Variants in MSI1 observed in about 807,000 individuals in gnomAD.
MSI1 encodes musashi RNA binding protein 1, also known as RNA-binding protein Musashi homolog 1.
Under a neutral mutation model 54.4 loss-of-function variants are expected in MSI1, and 15 were observed. The observed-to-expected ratio is 0.28, with a 90% CI of 0.18 to 0.42. The LOEUF (loss-of-function observed/expected upper bound fraction) is 0.42. Among genes scored for constraint, MSI1 ranks in the 20% least tolerant of loss-of-function variants. MSI1 has a pLI of 1.00. For missense variants in MSI1, 304 were observed against 506.0 expected (o/e 0.60, Z 3.83); for synonymous variants, 200 against 196.5 (o/e 1.02, Z -0.15).
chr12:120,348,056 C>G (rs1281745724), intron 11 of MSI1, among the ~76,000 whole-genome samples: 1 of 152,278 alleles, frequency 6.6e-6, no homozygotes, highest in East Asian at 1.9e-4. Context: ...TTGCACCGCA[C>G]CTTCTGCTGC....
At chr12:120,344,333 GC>G (rs1873934378) in intron 14 of MSI1, among the ~76,000 whole-genome samples, 1 of 152,208 alleles carries the variant, frequency 6.6e-6, no homozygotes. Context: ...CTGCCAGACT[GC>G]CCCGGGAACC....
At chr12:120,363,001 T>A in intron 6 of MSI1, 42 bp downstream of exon 6, 1 of 1,528,600 alleles carries the variant, frequency 6.5e-7, no homozygotes, top group Non-Finnish European at 9.1e-7. Context: ...TTCTACAGTG[T>A]GTTCACAGCC....
rs377630517 is a variant in MSI1 at position 120,368,947 on chromosome 12, C to A, written c.60-74G>T. On this transcript the variant is annotated intron_variant, in intron 1 of 14. Transcript: ENST00000257552. The surrounding 1 kb of genome is among the most constrained non-coding windows in gnomAD (Gnocchi z 6.6). Reference sequence around the variant, plus strand: ...AGGGCGCAGGGGGCGCGGGCCCGGGCTCCGGGGAGGCCCGGCCGGACCCGG... The same window carrying A: ...AGGGCGCAGGGGGCGCGGGCCCGGGATCCGGGGAGGCCCGGCCGGACCCGG... The A allele has an allele frequency of 2.3e-3, 2,869 of 1,244,464 alleles. 16 individuals carry two copies. The highest frequency in any genetic ancestry group is 4.1e-3 in the South Asian group (176 of 42,614). The allele number at this position is 1,244,464 out of a possible 1,614,324, so 77.1% of individuals were successfully genotyped here.
intron 7 of MSI1, among the ~76,000 whole-genome samples, chr12:120,358,747 G>A (rs1443801249): frequency 6.6e-6 from 1 of 151,616 alleles, no homozygotes; most frequent in African/African-American, 2.4e-5. Flanking sequence ...ACACCACTAG[G>A]GTGGGGGTAG....
At chr12:120,354,436 C>CT (rs35028100) in intron 9 of MSI1, among the ~76,000 whole-genome samples, 37,905 of 149,208 alleles carry the variant, frequency 0.25, 6,593 homozygotes, top group African/African-American at 0.51. Flanking sequence ...TCTTTTTCCA[C>CT]TTTTTTTTTT....
At chr12:120,361,788 A>G (rs1274954731) in intron 6 of MSI1, among the ~76,000 whole-genome samples, 1 of 150,826 alleles carries the variant, frequency 6.6e-6, no homozygotes, top group African/African-American at 2.4e-5. Context: ...CTGGCAGCCT[A>G]TTCTCCGGCT....
At chr12:120,358,073 C>T (rs1875295301) in intron 7 of MSI1, among the ~76,000 whole-genome samples, 175 bp from the exon 8 acceptor site, 1 of 152,146 alleles carries the variant, frequency 6.6e-6, no homozygotes, top group Non-Finnish European at 1.5e-5. Flanking sequence ...GGTTTCAAGT[C>T]CCAGAATACA....
At chr12:120,362,674 G>T (rs574836934) in intron 6 of MSI1, among the ~76,000 whole-genome samples, 1 of 152,298 alleles carries the variant, frequency 6.6e-6, no homozygotes, top group African/African-American at 2.4e-5. Flanking sequence ...GTGGGGAAAG[G>T]TTCAATAGCC....
rs779381922 is a variant in MSI1, at chr12:120,357,798, C to T, written c.534+18G>A. The T allele has an allele frequency of 4.6e-5, 74 of 1,612,732 alleles. No individual in the cohort carries two copies. Among genetic ancestry groups the T allele is most frequent in the Non-Finnish European group, 6.1e-5 (72 of 1,179,412 alleles). Reference sequence around the variant, plus strand: ...CTTGGCTTACAGGCGTGAGCCACTGCGCCCGGACCCAACTCACCATTTTGT... The same window carrying T: ...CTTGGCTTACAGGCGTGAGCCACTGTGCCCGGACCCAACTCACCATTTTGT... On this transcript the variant is annotated intron_variant, in intron 8 of 14. Coordinates refer to ENST00000257552, the MANE Select transcript of MSI1 (RefSeq NM_002442.4).
rs1873713951 is a variant in MSI1 at position 120,342,130 on chromosome 12, A to C, written c.*997T>G. The C allele has an allele frequency of 6.5e-6, 1 of 153,302 alleles. No individual in the cohort carries two copies. The highest frequency in any genetic ancestry group is 6.5e-5 in the Admixed American group (1 of 15,290). 9.5% of individuals were successfully genotyped at this position (153,302 alleles called of 1,614,324 possible). A position where few individuals can be genotyped will look rare whatever the true frequency, so the allele number is the denominator to read the frequency against. On this transcript the variant is annotated 3_prime_UTR_variant, in exon 15 of 15. Coordinates refer to ENST00000257552, the MANE Select transcript of MSI1 (RefSeq NM_002442.4). ...GTCGAGGGGGAAGGGGGACAGACTGAGCAGAAACCATGAAGCCCCAACCTA... is the reference window on the plus strand; with the variant it reads ...GTCGAGGGGGAAGGGGGACAGACTGCGCAGAAACCATGAAGCCCCAACCTA...
rs2136997122 is a variant in MSI1 at position 120,368,583 on chromosome 12, C to T, written c.100+250G>A. Among the ~76,000 whole-genome samples the T allele has an allele frequency of 6.6e-6, 1 of 152,024 alleles. No individual in the cohort carries two copies. The highest frequency in any genetic ancestry group is 2.4e-5 in the African/African-American group (1 of 41,520). Reference sequence around the variant, plus strand: ...GTGCGAGCGGAGTTGGCGCTGCCGCCGGCGGGTCCCGGGGGCCCAGCCCAC... The same window carrying T: ...GTGCGAGCGGAGTTGGCGCTGCCGCTGGCGGGTCCCGGGGGCCCAGCCCAC... On this transcript the variant is annotated intron_variant, in intron 2 of 14. Transcript: ENST00000257552. The surrounding 1 kb of genome is among the most constrained non-coding windows in gnomAD (Gnocchi z 6.6).
intron 9 of MSI1, among the ~76,000 whole-genome samples, chr12:120,354,518 G>A (rs552469888): frequency 8.6e-5 from 13 of 151,470 alleles, no homozygotes; most frequent in South Asian, 2.1e-4. Context: ...CGCCACCTCC[G>A]CCTCCCAGGT....
At chr12:120,357,700 T>G (rs1275504937) in intron 8 of MSI1, 116 bp downstream of exon 8, 1 of 949,014 alleles carries the variant, frequency 1.1e-6, no homozygotes, top group Non-Finnish European at 1.6e-6. Flanking sequence ...GAGACAGGGT[T>G]TCACTGTGTT....
intron 14 of MSI1, among the ~76,000 whole-genome samples, chr12:120,344,893 G>A (rs977508682): frequency 6.6e-6 from 1 of 151,646 alleles, no homozygotes; most frequent in South Asian, 2.1e-4. Flanking sequence ...GCACATGCCT[G>A]TAATCCCAGC....
At chr12:120,348,414 CCTT>C (rs1874317076) in intron 11 of MSI1, among the ~76,000 whole-genome samples, 1 of 152,206 alleles carries the variant, frequency 6.6e-6, no homozygotes, top group South Asian at 2.1e-4. Context: ...ACAGTGGGCT[CCTT>C]CTCACTCAGA....
chr12:120,361,267 A>G (rs937080002), intron 6 of MSI1: 2 of 152,002 alleles, frequency 1.3e-5, no homozygotes, highest in African/African-American at 4.8e-5. Flanking sequence ...CTCCCCCCTA[A>G]TCCTACAGCT....
intron 12 of MSI1, among the ~76,000 whole-genome samples, chr12:120,346,671 A>T (rs1444942217): frequency 6.6e-6 from 1 of 151,328 alleles, no homozygotes; most frequent in Non-Finnish European, 1.5e-5. Context: ...TCCACTCCCC[A>T]CTTCCGCACT....
intron 9 of MSI1, 116 bp downstream of exon 9, chr12:120,356,786 A>C: frequency 1.1e-6 from 1 of 919,622 alleles, no homozygotes; most frequent in Non-Finnish European, 1.7e-6. Flanking sequence ...ACTCCTGCTC[A>C]ATGACTCAGA....
intron 14 of MSI1, among the ~76,000 whole-genome samples, chr12:120,345,153 A>ACC (rs1874006821): frequency 6.6e-6 from 1 of 151,362 alleles, no homozygotes; most frequent in Non-Finnish European, 1.5e-5. Context: ...GGAGTTTGAG[A>ACC]CCAGCCTGGG....
Sources: gnomAD v4.1 joint callset for allele counts (sites outside exome capture counted in the v4.1 genomes callset) on GRCh38, gnomAD v4.1.1 for gene constraint, Gnocchi (gnomAD v3.1) non-coding constraint, MANE v1.5 for transcripts, NCBI Gene and HGNC (gene_info 2026-07-23, HGNC 2026-07-21) for gene names.